The following GTPBP10 variants were observed in gnomAD, a reference collection of about 807,000 sequenced individuals.
The protein encoded by GTPBP10 is GTP-binding protein 10.
GTPBP10 carries 38 observed loss-of-function variants against 44.8 expected under a neutral mutation model. The ratio of observed to expected loss-of-function variants is 0.85; its 90% CI spans 0.65 to 1.11. The LOEUF is 1.11. Ranked by LOEUF, GTPBP10 falls within the 50% of genes most tolerant of loss-of-function variation. GTPBP10 has a pLI of 0.00. For missense variants in GTPBP10, 462 were observed against 453.7 expected, an observed-to-expected ratio of 1.02 and a Z score of -0.17; for synonymous variants, 152 against 150.6, an observed-to-expected ratio of 1.01 and a Z score of -0.07.
rs1796403850 is a variant in GTPBP10 at position 90,379,839 on chromosome 7, C to G, written c.777+1628C>G. 2.0e-5 allele frequency among the ~76,000 whole-genome samples: 3 copies of G among 152,160 alleles called. No individual in the cohort carries two copies. In the South Asian group the frequency reaches 6.2e-4, roughly 32 times the overall value. ...CATGAATGTCAACACTTGTTATTGT[C>G]TGTCGTTTTTACTTTAGTCATCCTA... On this transcript the variant is annotated intron_variant, in intron 8 of 9. Transcript: ENST00000222511.
At chr7:90,351,976 A>G (rs539609558) in intron 1 of GTPBP10, among the ~76,000 whole-genome samples, 3 of 152,348 alleles carry the variant, frequency 2.0e-5, no homozygotes, top group East Asian at 3.9e-4. Flanking sequence ...GATTACAGGC[A>G]TGAGCCACTG....
At chr7:90,352,775 C>A (rs1280643253) in intron 1 of GTPBP10, 41 bp from the exon 2 acceptor site, 2 of 1,467,542 alleles carry the variant, frequency 1.4e-6, no homozygotes, top group Non-Finnish European at 1.8e-6. Flanking sequence ...TAAGGTGATA[C>A]ACTTTTGGTA....
At chr7:90,384,867 G>A in intron 9 of GTPBP10, 25 bp from the exon 10 acceptor site, 4 of 1,569,160 alleles carry the variant, frequency 2.5e-6, no homozygotes, top group Non-Finnish European at 3.4e-6. Context: ...ATGGAAATCA[G>A]CTTTGTTTGT....
chr7:90,357,448 G>A (rs1303263620), intron 4 of GTPBP10, among the ~76,000 whole-genome samples: 1 of 152,114 alleles, frequency 6.6e-6, no homozygotes, highest in Non-Finnish European at 1.5e-5. Flanking sequence ...AAGTCATTAA[G>A]AAACCTCACA....
intron 4 of GTPBP10, among the ~76,000 whole-genome samples, chr7:90,365,958 G>A (rs1796126427): frequency 6.6e-6 from 1 of 152,190 alleles, no homozygotes; most frequent in Non-Finnish European, 1.5e-5. Flanking sequence ...AGTGTTTTGA[G>A]AGTTTTTAGC....
In GTPBP10 at chr7:90,384,485, A is replaced by G. The variant is rs528609956; in HGVS notation, c.902-407A>G. 6.6e-5 allele frequency among the ~76,000 whole-genome samples: 10 copies of G among 152,300 alleles called. No homozygotes were observed. In the East Asian group the frequency reaches 1.3e-3, roughly 21 times the overall value. ...GATAAACCTATACTTTGGGGAAGTTAAAGGTCTCCAGTGTACTGAGGCCAA... is the reference window on the plus strand; with the variant it reads ...GATAAACCTATACTTTGGGGAAGTTGAAGGTCTCCAGTGTACTGAGGCCAA... On this transcript the variant is annotated intron_variant, in intron 9 of 9. Transcript: ENST00000222511.
At position 90,378,062 on chromosome 7, in the gene GTPBP10, A is replaced by G. The variant is rs569945195; in HGVS notation, c.700-72A>G. On this transcript the variant is annotated intron_variant, in intron 7 of 9. Coordinates refer to ENST00000222511, the MANE Select transcript of GTPBP10 (RefSeq NM_033107.4). Reference sequence around the variant, plus strand: ...TGTTTTTAGCTTGAGAGAGTAAAACATTTTAAAACATAGAAATGTATAGCT... The same window carrying G: ...TGTTTTTAGCTTGAGAGAGTAAAACGTTTTAAAACATAGAAATGTATAGCT... 21 of 1,495,934 alleles carry G rather than the reference A, an allele frequency of 1.4e-5. No homozygotes were observed. In the South Asian group the frequency reaches 2.4e-4, roughly 17 times the overall value. The allele number at this position is 1,495,934 out of a possible 1,614,324, so 92.7% of individuals were successfully genotyped here.
chr7:90,369,869 T>C (rs1364338248), intron 4 of GTPBP10, among the ~76,000 whole-genome samples: 1 of 152,072 alleles, frequency 6.6e-6, no homozygotes, highest in Non-Finnish European at 1.5e-5. Context: ...GGTACCTCAG[T>C]TGGAAATGCA....
Position 90,385,574 on chromosome 7 carries a change from A to G in GTPBP10, c.*420A>G, listed in dbSNP as rs1416421740. On this transcript the variant is annotated 3_prime_UTR_variant, in exon 10 of 10. Transcript: ENST00000222511. ...CCATTCCACAATGTATAGATATTTC[A>G]AAACATGTTACACATGATAAATCCA... 1 of 152,796 alleles carries G rather than the reference A, an allele frequency of 6.5e-6. No homozygotes were observed. The highest frequency in any genetic ancestry group is 1.5e-5 in the Non-Finnish European group (1 of 68,458). 9.5% of individuals were successfully genotyped at this position (152,796 alleles called of 1,614,324 possible).
chr7:90,371,010 G>GATAGATAA (rs1286495525), intron 4 of GTPBP10, among the ~76,000 whole-genome samples: 16 of 144,998 alleles, frequency 1.1e-4, no homozygotes, highest in Non-Finnish European at 1.8e-4. Flanking sequence ...CATCTCAATA[G>GATAGATAA]ATAAATAAAT....
In GTPBP10 at chr7:90,384,987, G is replaced by A. The variant is rs1396436791; in HGVS notation, c.997G>A (p.Glu333Lys). 6.2e-6 allele frequency: 10 copies of A among 1,613,724 alleles called. No homozygotes were observed. Among genetic ancestry groups the A allele is most frequent in the East Asian group, 2.2e-5 (1 of 44,818 alleles). ...ATCTGCAGTTACTGGAGAAGGAATC[G>A]AAGAATTAAAGAATTGTATAAGAAA... ...PISAVTGEGI[E>K]ELKNCIRKSL... The change falls in exon 10 of 10, where the codon GAA becomes AAA. Residue 333 changes from glutamate (E) to lysine (K), a missense_variant. By Grantham distance (56) the Glu-to-Lys change is moderately conservative. Transcript: ENST00000222511.
At chr7:90,370,338 G>A (rs1033739455) in intron 4 of GTPBP10, among the ~76,000 whole-genome samples, 3 of 128,244 alleles carry the variant, frequency 2.3e-5, no homozygotes, top group Non-Finnish European at 5.0e-5. Flanking sequence ...AAAATTGAGT[G>A]TGTGTGTGTG....
chr7:90,364,734 A>C (rs1237601392), intron 4 of GTPBP10, among the ~76,000 whole-genome samples: 1 of 152,134 alleles, frequency 6.6e-6, no homozygotes, highest in Admixed American at 6.5e-5. Flanking sequence ...CCGGAGGTGG[A>C]TTCTAGAGGC....
chr7:90,352,888 G>A lies in GTPBP10; in HGVS notation c.106G>A (p.Gly36Ser), dbSNP rs758264946. 2 of 1,613,890 alleles carry A rather than the reference G, an allele frequency of 1.2e-6. No homozygotes were observed. Among genetic ancestry groups the A allele is most frequent in the Non-Finnish European group, 1.7e-6 (2 of 1,179,948 alleles). ...GSGGMGYPRL[G>S]GEGGKGGDVW... is the part of the protein sequence containing the mutation. ...CGGTGGAATGGGTTATCCTCGTTTA[G>A]GTGGAGAAGGTGGAAAAGGTGGTGA... Residue 36 changes from glycine to serine, a missense_variant, in exon 2 of 10, where the codon GGT (glycine) becomes AGT (serine). Coordinates refer to ENST00000222511, the MANE Select transcript of GTPBP10 (RefSeq NM_033107.4).
chr7:90,372,514 C>T (rs1425555830), intron 5 of GTPBP10, among the ~76,000 whole-genome samples: 1 of 90,674 alleles, frequency 1.1e-5, no homozygotes, highest in Non-Finnish European at 2.2e-5. Flanking sequence ...ACAGGGGTTT[C>T]GCCATGTTGC....
Position 90,385,539 on chromosome 7 carries a change from C to T in GTPBP10, c.*385C>T, listed in dbSNP as rs559605627. 1 of 156,928 alleles carries T rather than the reference C, an allele frequency of 6.4e-6. No homozygotes were observed. The highest frequency in any genetic ancestry group is 2.0e-4 in the South Asian group (1 of 5,024). 9.7% of individuals were successfully genotyped at this position (156,928 alleles called of 1,614,324 possible). ...ACATAAGGTAATGCACGTTAATTAG[C>T]TATATTGAGCCATTCCACAATGTAT... is the stretch of plus-strand genomic sequence containing the variant. On this transcript the variant is annotated 3_prime_UTR_variant, in exon 10 of 10. Coordinates refer to ENST00000222511, the MANE Select transcript of GTPBP10 (RefSeq NM_033107.4).
chr7:90,374,582 C>T (rs1796312914), intron 6 of GTPBP10, among the ~76,000 whole-genome samples: 2 of 152,122 alleles, frequency 1.3e-5, no homozygotes, highest in African/African-American at 4.8e-5. Flanking sequence ...AACATTATGT[C>T]TTCTTCTTAG....
chr7:90,374,940 T>G (rs1375846927), intron 6 of GTPBP10, among the ~76,000 whole-genome samples: 1 of 152,244 alleles, frequency 6.6e-6, no homozygotes, highest in East Asian at 1.9e-4. Flanking sequence ...TGGATGCTTA[T>G]AGCAGCTTTA....
At chr7:90,351,045 G>A (rs1446362640) in intron 1 of GTPBP10, among the ~76,000 whole-genome samples, 1 of 152,164 alleles carries the variant, frequency 6.6e-6, no homozygotes, top group Non-Finnish European at 1.5e-5. Context: ...AACTGCTCAT[G>A]GGGAGACGAT....
Sources: allele counts gnomAD v4.1 joint callset (sites outside exome capture counted in the v4.1 genomes callset), GRCh38; gene constraint gnomAD v4.1.1; transcripts MANE v1.5; gene names NCBI Gene and HGNC (gene_info 2026-07-23, HGNC 2026-07-21).